Variants in CNTFR observed in about 807,000 individuals in gnomAD.
The protein encoded by CNTFR is ciliary neurotrophic factor receptor.
A neutral mutation model predicts 40.4 loss-of-function variants in CNTFR; 12 were observed. That is an observed-to-expected ratio of 0.30 (90% confidence interval 0.19 to 0.48). The LOEUF (loss-of-function observed/expected upper bound fraction) is 0.48. Among genes scored for constraint, CNTFR ranks in the 20% least tolerant of loss-of-function variants. The probability of loss-of-function intolerance (pLI) is 0.99; values close to 1 mark genes in which losing one functional copy is unlikely to be tolerated. For missense variants in CNTFR, 414 were observed against 506.8 expected (o/e 0.82, Z 1.76); for synonymous variants, 202 against 209.6 (o/e 0.96, Z 0.31).
chr9:34,559,206 C>G (rs1172608173), intron 4 of CNTFR, among the ~76,000 whole-genome samples: 3 of 152,162 alleles, frequency 2.0e-5, no homozygotes, highest in African/African-American at 4.8e-5. Context: ...CATGGTGACA[C>G]AGGGGAACAG....
rs776361878 is a variant in CNTFR at position 34,556,289 on chromosome 9, C to T, written c.734G>A (p.Arg245His). The change falls in exon 7 of 10, where the codon CGC (arginine) becomes CAC (histidine). Residue 245 changes from arginine (R) to histidine (H), a missense_variant. Transcript: ENST00000378980. ...CTGGTCCAGGATGAGGGGTCGGTAG[C>T]GCAGAAAGAACTTGAGAGGAAAAGA... Reference protein sequence around the residue: ...PESFPLKFFLRYRPLILDQWQ... With the variant: ...PESFPLKFFLHYRPLILDQWQ... 6 of 1,613,424 alleles carry T rather than the reference C, an allele frequency of 3.7e-6. No individual in the cohort carries two copies. Among genetic ancestry groups the T allele is most frequent in the East Asian group, 2.2e-5 (1 of 44,860 alleles).
In CNTFR at chr9:34,589,440, T is replaced by G. The variant is rs1438300550; in HGVS notation, c.-112+115A>C. On this transcript the variant is annotated intron_variant, in intron 1 of 9. Coordinates refer to ENST00000378980, the MANE Select transcript of CNTFR (RefSeq NM_147164.3). The surrounding 1 kb of genome is among the most constrained non-coding windows in gnomAD (Gnocchi z 4.4). ...CTCGTGAACTTTCCTGTCGCCCCCG[T>G]CCGTGGGCCCACGGGTGTCCCCTCA... 1 of 150,736 alleles carries G rather than the reference T, an allele frequency of 6.6e-6. No individual in the cohort carries two copies. The highest frequency in any genetic ancestry group is 1.5e-5 in the Non-Finnish European group (1 of 67,584). 9.3% of individuals were successfully genotyped at this position (150,736 alleles called of 1,614,324 possible).
intron 3 of CNTFR, among the ~76,000 whole-genome samples, chr9:34,566,466 C>A (rs2132168790): frequency 6.6e-6 from 1 of 152,280 alleles, no homozygotes; most frequent in Non-Finnish European, 1.5e-5. Flanking sequence ...AGGGGCCTCC[C>A]CCTGACCAGA....
intron 2 of CNTFR, among the ~76,000 whole-genome samples, chr9:34,569,185 G>A (rs1243675990): frequency 6.6e-6 from 1 of 152,214 alleles, no homozygotes; most frequent in Non-Finnish European, 1.5e-5. Context: ...AGGAAGCCTG[G>A]TTTAAGGTGA....
chr9:34,552,654 AG>A lies in CNTFR; in HGVS notation c.949+19del, dbSNP rs1825684099. The A allele has an allele frequency of 6.2e-7, 1 of 1,609,804 alleles. No homozygotes were observed. Among genetic ancestry groups the A allele is most frequent in the East Asian group, 2.2e-5 (1 of 44,854 alleles). On this transcript the variant is annotated intron_variant, in intron 8 of 9. Transcript: ENST00000378980. The surrounding 1 kb of genome is among the most constrained non-coding windows in gnomAD (Gnocchi z 5.1). ...CTCCAGGACAGCAAAGCCAGGAGGT[AG>A]GGGCGGGAGCAAGCTCACCCGCAGC... is the stretch of plus-strand genomic sequence containing the variant.
At chr9:34,565,494 G>A (rs1826246981) in intron 3 of CNTFR, among the ~76,000 whole-genome samples, 2 of 152,144 alleles carry the variant, frequency 1.3e-5, no homozygotes, top group South Asian at 2.1e-4. Flanking sequence ...GGGAGAATGG[G>A]CAGCAGGGAA....
intron 3 of CNTFR, among the ~76,000 whole-genome samples, chr9:34,565,628 C>G (rs185817087): frequency 6.6e-6 from 1 of 152,272 alleles, no homozygotes; most frequent in African/African-American, 2.4e-5. Flanking sequence ...TCTCCTACCC[C>G]CAGGAGCGGC....
chr9:34,583,913 C>G (rs1296072052), intron 1 of CNTFR, among the ~76,000 whole-genome samples: 1 of 152,136 alleles, frequency 6.6e-6, no homozygotes, highest in Non-Finnish European at 1.5e-5. Flanking sequence ...GCTCCTCTGC[C>G]TTTTTGGAAC....
In CNTFR at chr9:34,551,582, G is replaced by A; in HGVS notation, c.*489C>T. The A allele has an allele frequency of 7.5e-6, 2 of 265,992 alleles. No individual in the cohort carries two copies. Among genetic ancestry groups the A allele is most frequent in the Non-Finnish European group, 1.5e-5 (2 of 137,236 alleles). 16.5% of individuals were successfully genotyped at this position (265,992 alleles called of 1,614,324 possible). ...TACTGTGGGATAGGAGCAGGGTCAGGGGAGGGGTATACAAAACAGGGCAGA... is the reference window on the plus strand; with the variant it reads ...TACTGTGGGATAGGAGCAGGGTCAGAGGAGGGGTATACAAAACAGGGCAGA... On this transcript the variant is annotated 3_prime_UTR_variant, in exon 10 of 10. Transcript: ENST00000378980.
chr9:34,574,266 C>T (rs1349027663), intron 2 of CNTFR, among the ~76,000 whole-genome samples: 1 of 152,152 alleles, frequency 6.6e-6, no homozygotes, highest in Non-Finnish European at 1.5e-5. Flanking sequence ...CATGGGCGGG[C>T]AGGTTCCCAC....
chr9:34,570,547 C>T (rs79807287), intron 2 of CNTFR, among the ~76,000 whole-genome samples: 320 of 152,248 alleles, frequency 2.1e-3, no homozygotes, highest in African/African-American at 7.4e-3. Context: ...AACAGGCGTA[C>T]ACCCAGAAAA....
At chr9:34,587,313 C>A (rs1436590040) in intron 1 of CNTFR, among the ~76,000 whole-genome samples, 1 of 152,076 alleles carries the variant, frequency 6.6e-6, no homozygotes, top group African/African-American at 2.4e-5. Flanking sequence ...GCACTGGTAT[C>A]CCTTTTTAAG....
At chr9:34,590,166 G>GCGCACACACACACA (rs1554703245), upstream of CNTFR, 5 of 150,628 alleles carry the variant, frequency 3.3e-5, no homozygotes, top group African/African-American at 1.2e-4. Flanking sequence ...ACGCGCGCGC[G>GCGCACACACACACA]CACACACACA....
intron 2 of CNTFR, among the ~76,000 whole-genome samples, chr9:34,573,023 G>A (rs1281692055): frequency 6.6e-6 from 1 of 152,218 alleles, no homozygotes; most frequent in African/African-American, 2.4e-5. Context: ...AAGTCTGACA[G>A]CCGCCGTCGG....
intron 2 of CNTFR, among the ~76,000 whole-genome samples, chr9:34,574,343 C>T (rs1468551316): frequency 6.6e-6 from 1 of 152,218 alleles, no homozygotes; most frequent in African/African-American, 2.4e-5. Flanking sequence ...TTTCCCTCCT[C>T]TCTGAATCCA....
chr9:34,576,093 C>T (rs1471454629), intron 2 of CNTFR, among the ~76,000 whole-genome samples: 1 of 152,142 alleles, frequency 6.6e-6, no homozygotes, highest in Non-Finnish European at 1.5e-5. Flanking sequence ...GCTCTCACTA[C>T]ACCCGGCAGA....
chr9:34,569,790 ATGTGCCCCTAGGAGCC>A (rs1304308035), intron 2 of CNTFR: 2 of 152,208 alleles, frequency 1.3e-5, no homozygotes, highest in African/African-American at 4.8e-5. Flanking sequence ...GACCCCAGCC[ATGTGCCCCTAGGAGCC>A]TGGGACCCCC....
At chr9:34,554,710 A>G (rs1222187426) in intron 7 of CNTFR, among the ~76,000 whole-genome samples, 1 of 151,930 alleles carries the variant, frequency 6.6e-6, no homozygotes, top group Non-Finnish European at 1.5e-5. Context: ...CCTGATCTGT[A>G]TTTTCCTCCT....
intron 2 of CNTFR, among the ~76,000 whole-genome samples, chr9:34,573,595 T>G (rs1338662455): frequency 6.6e-6 from 1 of 152,184 alleles, no homozygotes; most frequent in African/African-American, 2.4e-5. Context: ...AACATCCATC[T>G]GATGAAGGGC....
Sources: gnomAD v4.1 joint callset for allele counts (sites outside exome capture counted in the v4.1 genomes callset) on GRCh38, gnomAD v4.1.1 for gene constraint, Gnocchi (gnomAD v3.1) non-coding constraint, MANE v1.5 for transcripts, NCBI Gene and HGNC (gene_info 2026-07-23, HGNC 2026-07-21) for gene names.